CORO2A: variants seen among roughly 807,000 people sequenced by gnomAD.
CORO2A encodes the protein coronin 2A, also known as coronin-2A.
CORO2A carries 47 observed loss-of-function variants against 62.4 expected under a neutral mutation model. The ratio of observed to expected loss-of-function variants is 0.75; its 90% CI spans 0.60 to 0.96. The LOEUF (loss-of-function observed/expected upper bound fraction) is 0.96, where lower values mean the gene tolerates loss of function less well. Ranked by LOEUF, CORO2A falls within the 40% of genes least tolerant of loss-of-function variation. The probability of loss-of-function intolerance (pLI) is 0.00; values close to 1 mark genes in which losing one functional copy is unlikely to be tolerated. For missense variants in CORO2A, 610 were observed against 684.1 expected, an observed-to-expected ratio of 0.89 and a Z score of 1.21; for synonymous variants, 273 against 268.9, an observed-to-expected ratio of 1.02 and a Z score of -0.15.
At chr9:98,127,720 A>G (rs922100239) in intron 10 of CORO2A, among the ~76,000 whole-genome samples, 1 of 148,190 alleles carries the variant, frequency 6.7e-6, no homozygotes, top group African/African-American at 2.5e-5. Context: ...AGGCTGAGGC[A>G]TGAGAATCAC....
At chr9:98,164,226 G>T (rs1413749148) in intron 1 of CORO2A, among the ~76,000 whole-genome samples, 1 of 152,158 alleles carries the variant, frequency 6.6e-6, no homozygotes, top group African/African-American at 2.4e-5. Context: ...CTGTTAATCA[G>T]GATAAAGAAC....
chr9:98,182,555 A>C (rs1828190797), intron 1 of CORO2A, among the ~76,000 whole-genome samples: 1 of 152,158 alleles, frequency 6.6e-6, no homozygotes, highest in Non-Finnish European at 1.5e-5. Context: ...TGTTCTTCCC[A>C]AGGGCCAGGA....
Position 98,170,137 on chromosome 9 carries a change from TAGG to T in CORO2A, c.1-12480_1-12478del, listed in dbSNP as rs1425565016. 5.3e-5 allele frequency among the ~76,000 whole-genome samples: 8 copies of T among 152,354 alleles called. No homozygotes were observed. In the East Asian group the frequency reaches 1.5e-3, roughly 29 times the overall value. The stretch of plus-strand genomic sequence containing the variant: ...GACCTTGCATGTGTCTGGCACAAAG[TAGG>T]AGCTCAGCCCATGGAAGCGCCCCTC... On this transcript the variant is annotated intron_variant, in intron 1 of 11. Transcript: ENST00000375077.
chr9:98,151,460 A>G (rs1811713587), intron 2 of CORO2A, among the ~76,000 whole-genome samples: 1 of 152,114 alleles, frequency 6.6e-6, no homozygotes, highest in South Asian at 2.1e-4. Flanking sequence ...CAAATGTTTA[A>G]TTATATCATC....
Position 98,128,588 on chromosome 9 carries a change from C to CA in CORO2A, c.1080+18_1080+19insT. The CA allele has an allele frequency of 6.2e-7, 1 of 1,605,202 alleles. No individual in the cohort carries two copies. The highest frequency in any genetic ancestry group is 1.1e-5 in the South Asian group (1 of 90,894). On this transcript the variant is annotated intron_variant, in intron 9 of 11. Coordinates refer to ENST00000375077, the MANE Select transcript of CORO2A (RefSeq NM_052820.4). ...ACAGGTTCCCCACCTGCCTCCCATG[C>CA]GGTCCCGACTGCCCTTACCCGCCGG... is the stretch of plus-strand genomic sequence containing the variant.
At position 98,122,889 on chromosome 9, in the gene CORO2A, A is replaced by G. The variant is rs1017123482; in HGVS notation, c.*1885T>C. On this transcript the variant is annotated 3_prime_UTR_variant, in exon 12 of 12. Coordinates refer to ENST00000375077, the MANE Select transcript of CORO2A (RefSeq NM_052820.4). ...CCTCCATAAGGGACAGCATCTATCC[A>G]TATCAGGCTGATTCTGGTTGGAAAG... is the stretch of plus-strand genomic sequence containing the variant. 6 of 152,258 alleles carry G rather than the reference A, an allele frequency of 3.9e-5. No individual in the cohort carries two copies. The highest frequency in any genetic ancestry group is 1.4e-4 in the African/African-American group (6 of 41,446). The allele number at this position is 152,258 out of a possible 1,614,324, so 9.4% of individuals were successfully genotyped here.
chr9:98,171,040 C>A (rs1828027375), intron 1 of CORO2A, among the ~76,000 whole-genome samples: 1 of 152,096 alleles, frequency 6.6e-6, no homozygotes, highest in Non-Finnish European at 1.5e-5. Flanking sequence ...CAAAACTCCA[C>A]ACAGGTTTAT....
intron 2 of CORO2A, among the ~76,000 whole-genome samples, chr9:98,152,123 G>C (rs1397279880): frequency 1.6e-5 from 2 of 122,630 alleles, no homozygotes; most frequent in Non-Finnish European, 3.6e-5. Flanking sequence ...GGCCTCTTTT[G>C]CTGTTTTTTT....
At chr9:98,191,843 T>C (rs1011835685) in intron 1 of CORO2A, among the ~76,000 whole-genome samples, 1 of 152,122 alleles carries the variant, frequency 6.6e-6, no homozygotes, top group East Asian at 1.9e-4. Context: ...ACACACTAGC[T>C]CTGGGACACA....
intron 1 of CORO2A, among the ~76,000 whole-genome samples, chr9:98,188,886 T>A (rs1307538251): frequency 1.3e-5 from 2 of 152,170 alleles, no homozygotes; most frequent in Non-Finnish European, 2.9e-5. Context: ...ATGGAATGAA[T>A]GAACATAAAG....
At chr9:98,134,365 C>T (rs530633779) in intron 4 of CORO2A, among the ~76,000 whole-genome samples, 25 of 152,266 alleles carry the variant, frequency 1.6e-4, no homozygotes, top group African/African-American at 5.8e-4. Flanking sequence ...CCATCCACTC[C>T]GGGCAGGCTA....
intron 5 of CORO2A, among the ~76,000 whole-genome samples, chr9:98,132,721 T>A (rs1461358391): frequency 2.0e-5 from 3 of 152,032 alleles, no homozygotes; most frequent in Non-Finnish European, 4.4e-5. Flanking sequence ...GGCTAAACAG[T>A]GGTATCGTCG....
At chr9:98,156,317 G>C (rs943198746) in intron 2 of CORO2A, among the ~76,000 whole-genome samples, 2 of 152,186 alleles carry the variant, frequency 1.3e-5, no homozygotes, top group African/African-American at 2.4e-5. Context: ...TGGGATTACA[G>C]GTGTGAGCCA....
At chr9:98,148,097 GA>G (rs374306151) in intron 2 of CORO2A, among the ~76,000 whole-genome samples, 40 of 142,742 alleles carry the variant, frequency 2.8e-4, no homozygotes, top group East Asian at 1.3e-3. Context: ...AAAAAAAAAA[GA>G]AAAAAAAAAA....
intron 2 of CORO2A, among the ~76,000 whole-genome samples, chr9:98,155,023 T>C (rs1160090404): frequency 6.6e-6 from 1 of 152,216 alleles, no homozygotes; most frequent in East Asian, 1.9e-4. Flanking sequence ...GGTGTGCCAG[T>C]TTACACTCCC....
At chr9:98,171,097 T>C (rs559679228) in intron 1 of CORO2A, among the ~76,000 whole-genome samples, 1 of 152,336 alleles carries the variant, frequency 6.6e-6, no homozygotes, top group African/African-American at 2.4e-5. Context: ...CAAGGATCAC[T>C]GGGGATTTTC....
chr9:98,157,264 G>A, intron 2 of CORO2A, 196 bp downstream of exon 2: 1 of 570,232 alleles, frequency 1.8e-6, no homozygotes, highest in Non-Finnish European at 3.1e-6. Flanking sequence ...TAAGCCAACT[G>A]CTAGAGGCTA....
intron 2 of CORO2A, among the ~76,000 whole-genome samples, chr9:98,138,105 A>C (rs1827513316): frequency 6.6e-6 from 1 of 152,210 alleles, no homozygotes; most frequent in African/African-American, 2.4e-5. Context: ...TTCCACTCCT[A>C]GGTCTATCTC....
At position 98,128,242 on chromosome 9, in the gene CORO2A, C is replaced by T. The variant is rs773309381; in HGVS notation, c.1099G>A (p.Asp367Asn). 5 of 1,613,128 alleles carry T rather than the reference C, an allele frequency of 3.1e-6. No individual in the cohort carries two copies. In the South Asian group the frequency reaches 5.5e-5, roughly 18 times the overall value. ...GCCCCTGCTGTTGGAGGGTATATGT[C>T]CTCTTGGTAGGATTCTGACTGCAGG... ...VPRRSESYQEDIYPPTAGAQP... is the reference protein window; with the variant it reads ...VPRRSESYQENIYPPTAGAQP... The change falls in exon 10 of 12, where the codon GAC becomes AAC. Residue 367 changes from aspartate to asparagine, a missense_variant. Coordinates refer to ENST00000375077, the MANE Select transcript of CORO2A (RefSeq NM_052820.4).
Sources: allele counts gnomAD v4.1 joint callset (sites outside exome capture counted in the v4.1 genomes callset), GRCh38; gene constraint gnomAD v4.1.1; transcripts MANE v1.5; gene names NCBI Gene and HGNC (gene_info 2026-07-23, HGNC 2026-07-21).